The following DCAF6 variants were observed in gnomAD, a reference collection of about 807,000 sequenced individuals.
DCAF6 encodes DDB1- and CUL4-associated factor 6.
Under a neutral mutation model 125.1 loss-of-function variants are expected in DCAF6, and 54 were observed. That is an observed-to-expected ratio of 0.43 (90% CI 0.35 to 0.54). DCAF6 has a LOEUF of 0.54. DCAF6 is among the 20% of genes least tolerant of loss of function. The pLI is 0.01. For synonymous variants in DCAF6, 371 were observed against 390.4 expected (o/e 0.95, Z 0.58); for missense variants, 934 against 1,161.7 (o/e 0.80, Z 2.85).
At chr1:168,025,224 G>A (rs1473162356) in intron 12 of DCAF6, among the ~76,000 whole-genome samples, 1 of 151,946 alleles carries the variant, frequency 6.6e-6, no homozygotes, top group African/African-American at 2.4e-5. Context: ...AATTTAAGTT[G>A]ATAATTTACA....
At chr1:168,043,185 G>T in intron 14 of DCAF6, 45 bp downstream of exon 14, 1 of 1,374,346 alleles carries the variant, frequency 7.3e-7, no homozygotes, top group Non-Finnish European at 1.0e-6. Context: ...TGCAGCATTG[G>T]ATGTTTATCT....
chr1:167,864,578 A>G, the DCAF6 span, among the ~76,000 whole-genome samples: 1 of 152,154 alleles, frequency 6.6e-6, no homozygotes, highest in South Asian at 2.1e-4. Flanking sequence ...AGGCAAAAGG[A>G]AAGTCAAAGA....
At chr1:167,894,792 G>A in the DCAF6 span, among the ~76,000 whole-genome samples, 15,014 of 152,164 alleles carry the variant, frequency 0.099, 823 homozygotes, top group African/African-American at 0.14. Context: ...CAGAAGTGCC[G>A]GTGGTCTGGG....
At chr1:167,891,776 C>T in the DCAF6 span, among the ~76,000 whole-genome samples, 12 of 152,128 alleles carry the variant, frequency 7.9e-5, no homozygotes, top group Admixed American at 3.3e-4. Context: ...TGCACTTTCT[C>T]CCCGAAATAG....
At chr1:167,905,465 G>A in the DCAF6 span, among the ~76,000 whole-genome samples, 1 of 152,188 alleles carries the variant, frequency 6.6e-6, no homozygotes, top group African/African-American at 2.4e-5. Flanking sequence ...GCAGGAAGGG[G>A]TAGGCCCTCG....
chr1:167,895,100 T>G, the DCAF6 span, among the ~76,000 whole-genome samples: 1 of 150,660 alleles, frequency 6.6e-6, no homozygotes, highest in Non-Finnish European at 1.5e-5. Context: ...GAGAATCGCT[T>G]GAACCCGGGA....
the DCAF6 span, among the ~76,000 whole-genome samples, chr1:167,866,908 A>T: frequency 6.6e-6 from 1 of 152,214 alleles, no homozygotes; most frequent in East Asian, 1.9e-4. Flanking sequence ...GGGCCCTGGC[A>T]GCAACGGCCC....
At chr1:167,984,721 A>G (rs1298966840) in intron 4 of DCAF6, among the ~76,000 whole-genome samples, 1 of 152,244 alleles carries the variant, frequency 6.6e-6, no homozygotes, top group Admixed American at 6.5e-5. Context: ...TAGGTTGAAT[A>G]TACTTTTTAT....
At chr1:167,921,796 G>A in the DCAF6 span, among the ~76,000 whole-genome samples, 3 of 152,028 alleles carry the variant, frequency 2.0e-5, no homozygotes, top group East Asian at 1.9e-4. Context: ...AGAAAATGTG[G>A]AGCTCAGAAA....
chr1:167,998,776 C>T (rs1469935313), intron 7 of DCAF6: 2 of 153,388 alleles, frequency 1.3e-5, no homozygotes, highest in African/African-American at 4.8e-5. Context: ...AATTCTCACA[C>T]CTTCAGTCTG....
At chr1:168,042,331 C>A (rs1688648030) in intron 13 of DCAF6, among the ~76,000 whole-genome samples, 1 of 151,926 alleles carries the variant, frequency 6.6e-6, no homozygotes, top group South Asian at 2.1e-4. Flanking sequence ...CTCATTCAGT[C>A]CTCTTGTTAC....
the DCAF6 span, among the ~76,000 whole-genome samples, chr1:167,929,402 T>C: frequency 6.6e-6 from 1 of 152,152 alleles, no homozygotes; most frequent in African/African-American, 2.4e-5. Context: ...AACTATGAAC[T>C]ATGTTCAAGA....
At chr1:167,973,008 A>G in intron 3 of DCAF6, among the ~76,000 whole-genome samples, 1 of 152,234 alleles carries the variant, frequency 6.6e-6, no homozygotes. Context: ...TGTCTGCTGA[A>G]TGTTACTAAT....
chr1:167,965,989 A>G (rs1471728111), intron 2 of DCAF6, among the ~76,000 whole-genome samples: 1 of 152,072 alleles, frequency 6.6e-6, no homozygotes, highest in East Asian at 1.9e-4. Context: ...CCAACAATTC[A>G]TCAATTATAG....
the DCAF6 span, among the ~76,000 whole-genome samples, chr1:167,912,548 A>C: frequency 5.0e-4 from 76 of 152,320 alleles, no homozygotes; most frequent in African/African-American, 1.8e-3. Context: ...ACCCTATGCA[A>C]ATCAGACACT....
the DCAF6 span, among the ~76,000 whole-genome samples, chr1:167,884,650 T>C: frequency 6.6e-6 from 1 of 151,696 alleles, no homozygotes; most frequent in Non-Finnish European, 1.5e-5. Context: ...CAGCCTTTGG[T>C]AACCATCCTT....
At chr1:167,956,568 T>G (rs1674822794) in intron 2 of DCAF6, among the ~76,000 whole-genome samples, 1 of 152,138 alleles carries the variant, frequency 6.6e-6, no homozygotes, top group Non-Finnish European at 1.5e-5. Flanking sequence ...TGATTTCTGC[T>G]AATATATTTA....
At chr1:168,062,913 C>CTT (rs372896984) in intron 17 of DCAF6, among the ~76,000 whole-genome samples, 9 of 136,988 alleles carry the variant, frequency 6.6e-5, no homozygotes, top group Non-Finnish European at 7.9e-5. Context: ...TATTAATATT[C>CTT]TTTTTTTTTT....
the DCAF6 span, chr1:167,870,148 T>C: frequency 1.4e-5 from 17 of 1,210,766 alleles, 2 homozygotes; most frequent in South Asian, 2.0e-4. Flanking sequence ...CATCCAATAA[T>C]TGTAGGTTAT....
Sources: gnomAD v4.1 joint callset for allele counts (sites outside exome capture counted in the v4.1 genomes callset) on GRCh38, gnomAD v4.1.1 for gene constraint, MANE v1.5 for transcripts, NCBI Gene and HGNC (gene_info 2026-07-23, HGNC 2026-07-21) for gene names.